PKHD1L1: variants seen among roughly 807,000 people sequenced by gnomAD.
PKHD1L1 encodes fibrocystin-L.
In PKHD1L1, 434 loss-of-function variants were observed where a neutral mutation model predicts 462.9. The observed-to-expected ratio is 0.94, with a 90% CI of 0.87 to 1.02. PKHD1L1 has a LOEUF of 1.02. Among genes scored for constraint, PKHD1L1 ranks in the 50% least tolerant of loss-of-function variants. PKHD1L1 has a pLI of 0.00. For synonymous variants in PKHD1L1, 1,781 were observed against 1,750.0 expected (o/e 1.02, Z -0.44); for missense variants, 5,202 against 5,096.1 (o/e 1.02, Z -0.63).
At chr8:109,402,763 C>G (rs1385813917) in intron 14 of PKHD1L1, among the ~76,000 whole-genome samples, 4 of 152,072 alleles carry the variant, frequency 2.6e-5, no homozygotes, top group African/African-American at 9.7e-5. Context: ...AAGTTATGCT[C>G]AGAGGCAGCA....
chr8:109,363,331 C>G (rs961825291), intron 1 of PKHD1L1, among the ~76,000 whole-genome samples: 1 of 152,130 alleles, frequency 6.6e-6, no homozygotes, highest in Admixed American at 6.5e-5. Flanking sequence ...CACCTTGGAG[C>G]TCTTGGCAAA....
intron 3 of PKHD1L1, among the ~76,000 whole-genome samples, chr8:109,381,938 C>T (rs1175444441): frequency 6.6e-6 from 1 of 152,074 alleles, no homozygotes; most frequent in African/African-American, 2.4e-5. Context: ...AGCCCAAATT[C>T]ATGTATGTTA....
Position 109,408,167 on chromosome 8 carries a change from C to T in PKHD1L1, c.1932C>T (p.Ile644=), listed in dbSNP as rs772128293. The change falls in exon 18 of 78, where the codon ATC becomes ATT. Residue 644 remains isoleucine, a synonymous_variant. Transcript: ENST00000378402. ...LETFTLNWDG[I]ASKPLTLWSS... is the part of the protein sequence containing the mutation. Reference sequence around the variant, plus strand: ...CATTCACACTGAATTGGGATGGGATCGCTTCTAAGCCACTCACTCTATGGT... The same window carrying T: ...CATTCACACTGAATTGGGATGGGATTGCTTCTAAGCCACTCACTCTATGGT... 10 of 1,612,700 alleles carry T rather than the reference C, an allele frequency of 6.2e-6. No homozygotes were observed. Among genetic ancestry groups the T allele is most frequent in the African/African-American group, 1.3e-5 (1 of 74,810 alleles).
intron 8 of PKHD1L1, 76 bp downstream of exon 8, chr8:109,389,228 C>A: frequency 8.9e-7 from 1 of 1,120,116 alleles, no homozygotes; most frequent in Non-Finnish European, 1.3e-6. Context: ...TCTCCTAGAC[C>A]TCCCTCCTCT....
At chr8:109,496,833 T>G in intron 63 of PKHD1L1, 86 bp from the exon 64 acceptor site, 22 of 1,388,018 alleles carry the variant, frequency 1.6e-5, no homozygotes, top group Non-Finnish European at 2.1e-5. Context: ...TGAAAAGAAT[T>G]TTGTTAACTT....
rs149356194 is a variant in PKHD1L1 at position 109,485,352 on chromosome 8, G to A, written c.9706+179G>A. 3.1e-4 allele frequency among the ~76,000 whole-genome samples: 47 copies of A among 151,984 alleles called. No individual in the cohort carries two copies. The East Asian group carries it at 3.9e-3, about 13-fold the overall frequency. On this transcript the variant is annotated intron_variant, in intron 58 of 77. Transcript: ENST00000378402. ...TCTGTGTTGGTTACCGATAGTCCCC[G>A]CTATGTGCTTTCATTCATTCAGCAA...
In PKHD1L1 at chr8:109,445,648, A is replaced by T. The variant is rs1304440652; in HGVS notation, c.5776+3A>T. On this transcript the variant is annotated splice_donor_region_variant and intron_variant, in intron 38 of 77. Transcript: ENST00000378402. ...CAGAGGAATTATCCCAAGCAGAGGTACTCCAATATCTGCCTTATTATCTTG... is the reference window on the plus strand; with the variant it reads ...CAGAGGAATTATCCCAAGCAGAGGTTCTCCAATATCTGCCTTATTATCTTG... The T allele has an allele frequency of 6.3e-7, 1 of 1,593,002 alleles. No individual in the cohort carries two copies. Among genetic ancestry groups the T allele is most frequent in the Non-Finnish European group, 8.6e-7 (1 of 1,163,644 alleles).
intron 34 of PKHD1L1, among the ~76,000 whole-genome samples, chr8:109,441,714 T>C (rs1286193895): frequency 2.0e-5 from 3 of 152,170 alleles, no homozygotes; most frequent in Non-Finnish European, 4.4e-5. Context: ...TTAAAAATAT[T>C]CTATGTAAGA....
At chr8:109,483,322 T>G (rs1427477615) in intron 57 of PKHD1L1, among the ~76,000 whole-genome samples, 2 of 151,180 alleles carry the variant, frequency 1.3e-5, no homozygotes, top group East Asian at 1.9e-4. Flanking sequence ...ATTATGTGTG[T>G]GTGCATATAA....
Position 109,466,628 on chromosome 8 carries a change from C to T in PKHD1L1, c.8464C>T (p.His2822Tyr), listed in dbSNP as rs201478206. 3.8e-4 allele frequency: 618 copies of T among 1,610,418 alleles called. 1 individual carries two copies. The Middle Eastern group carries it at 4.5e-3, about 12-fold the overall frequency. Residue 2822 changes from histidine to tyrosine, a missense_variant, in exon 50 of 78, where the codon CAT becomes TAT. Around this residue, in one of 3 missense-constraint regions of PKHD1L1, gnomAD observed 4,497 missense variants for 4,336.8 expected, o/e 1.04. Coordinates refer to ENST00000378402, the MANE Select transcript of PKHD1L1 (RefSeq NM_177531.6). The stretch of plus-strand genomic sequence containing the variant: ...ACACAGCTCATTGCTAGACCCTTCT[C>T]ATTGTACTCAGGAAGCTGAGTGGAG... ...IPHSSLLDPS[H>Y]CTQEAEWSIG...
At chr8:109,518,063 G>T (rs894426100) in intron 72 of PKHD1L1, 104 bp from the exon 73 acceptor site, 2 of 750,136 alleles carry the variant, frequency 2.7e-6, no homozygotes, top group Non-Finnish European at 4.1e-6. Flanking sequence ...TGATAAAGTT[G>T]AATTTGGGGG....
intron 14 of PKHD1L1, among the ~76,000 whole-genome samples, chr8:109,402,345 G>A (rs1813314089): frequency 1.3e-5 from 2 of 152,164 alleles, no homozygotes; most frequent in African/African-American, 2.4e-5. Context: ...AGTTGGCTGA[G>A]CGGTTCTTTT....
rs1820662414 is a variant in PKHD1L1 at position 109,523,459 on chromosome 8, A to G, written c.12484+73A>G. 14 of 1,396,296 alleles carry G rather than the reference A, an allele frequency of 1.0e-5. No individual in the cohort carries two copies. The South Asian group carries it at 1.7e-4, about 17-fold the overall frequency. The allele number at this position is 1,396,296 out of a possible 1,614,324, so 86.5% of individuals were successfully genotyped here. On this transcript the variant is annotated intron_variant, in intron 76 of 77. Transcript: ENST00000378402. ...CAATTATAATGTTCTTTTAATGAAC[A>G]AAGCATTCTGTAACACTCTGGTCAA...
In PKHD1L1 at chr8:109,445,599, T is replaced by C; in HGVS notation, c.5730T>C (p.Tyr1910=). The change falls in exon 38 of 78, where the codon TAT becomes TAC. Residue 1910 remains tyrosine, a synonymous_variant. Coordinates refer to ENST00000378402, the MANE Select transcript of PKHD1L1 (RefSeq NM_177531.6). Reference sequence around the variant, plus strand: ...CTTATCCACCTTTGCTTTTTACATATGCCCTGGAGGATACTCCATTTCTCA... The same window carrying C: ...CTTATCCACCTTTGCTTTTTACATACGCCCTGGAGGATACTCCATTTCTCA... ...TIAYPPLLFT[Y]ALEDTPFLRG... 1 of 1,610,484 alleles carries C rather than the reference T, an allele frequency of 6.2e-7. No individual in the cohort carries two copies.
intron 62 of PKHD1L1, 82 bp from the exon 63 acceptor site, chr8:109,493,579 T>G (rs1241465245): frequency 6.6e-6 from 5 of 761,544 alleles, no homozygotes; most frequent in Non-Finnish European, 9.9e-6. Flanking sequence ...TTTTCATAAG[T>G]GTATTGTCAT....
intron 36 of PKHD1L1, 69 bp downstream of exon 36, chr8:109,443,185 G>A (rs1815912593): frequency 4.1e-6 from 6 of 1,466,970 alleles, no homozygotes; most frequent in Admixed American, 1.7e-5. Context: ...TTCTGGAGCC[G>A]GTAGCAGATA....
At chr8:109,398,735 TG>T (rs1236371631) in intron 12 of PKHD1L1, among the ~76,000 whole-genome samples, 187 bp downstream of exon 12, 5 of 152,166 alleles carry the variant, frequency 3.3e-5, no homozygotes, top group African/African-American at 1.2e-4. Flanking sequence ...GCCACAAAGC[TG>T]TACCTATGGA....
At chr8:109,479,489 T>C (rs1403623540) in intron 53 of PKHD1L1, 62 bp from the exon 54 acceptor site, 14 of 1,125,136 alleles carry the variant, frequency 1.2e-5, no homozygotes, top group Non-Finnish European at 1.5e-5. Context: ...GTTTACATTT[T>C]AGACAAAATT....
chr8:109,367,112 A>G (rs1175836255), intron 2 of PKHD1L1, among the ~76,000 whole-genome samples: 1 of 152,238 alleles, frequency 6.6e-6, no homozygotes, highest in East Asian at 1.9e-4. Flanking sequence ...AAATTAATAA[A>G]TGCTATTTTA....
Sources: allele counts gnomAD v4.1 joint callset (sites outside exome capture counted in the v4.1 genomes callset), GRCh38; gene constraint gnomAD v4.1.1; regional missense constraint gnomAD v4.1.1; transcripts MANE v1.5; gene names NCBI Gene and HGNC (gene_info 2026-07-23, HGNC 2026-07-21).